Variants in REG4 observed in about 807,000 individuals in gnomAD.
The protein encoded by REG4 is regenerating family member 4.
A neutral mutation model predicts 22.3 loss-of-function variants in REG4; 16 were observed. That is an observed-to-expected ratio of 0.72 (90% CI 0.49 to 1.09). The LOEUF (loss-of-function observed/expected upper bound fraction) is 1.09. Ranked by LOEUF, REG4 falls within the 50% of genes least tolerant of loss-of-function variation. REG4 has a pLI of 0.00. For missense variants in REG4, 214 were observed against 193.9 expected (o/e 1.10, Z -0.61); for synonymous variants, 71 against 69.2 (o/e 1.03, Z -0.13).
chr1:119,796,598 C>T (rs1156360769), intron 5 of REG4, among the ~76,000 whole-genome samples: 1 of 152,124 alleles, frequency 6.6e-6, no homozygotes, highest in Non-Finnish European at 1.5e-5. Flanking sequence ...GAGCAAAATC[C>T]ATTGTACTGA....
At chr1:119,802,332 C>G in intron 3 of REG4, 1 of 985,750 alleles carries the variant, frequency 1.0e-6, no homozygotes, top group Admixed American at 6.1e-5. Flanking sequence ...CCTTCATAGC[C>G]TCAGTAGCTG....
Position 119,808,810 on chromosome 1 carries a change from A to C in REG4, c.-41T>G. The C allele has an allele frequency of 2.4e-5, 35 of 1,469,654 alleles. No homozygotes were observed. The highest frequency in any genetic ancestry group is 1.7e-4 in the Middle Eastern group (1 of 5,772). The allele number at this position is 1,469,654 out of a possible 1,614,324, so 91.0% of individuals were successfully genotyped here. A position where few individuals can be genotyped will look rare whatever the true frequency, so the allele number is the denominator to read the frequency against. On this transcript the variant is annotated 5_prime_UTR_variant, in exon 2 of 6. Transcript: ENST00000256585. ...AGGATGTAGCTAGTGCAAGGATCTC[A>C]GAGACCTTACTAGCGCTTCTTTGAA...
chr1:119,808,060 C>T (rs2101076073), intron 2 of REG4, among the ~76,000 whole-genome samples: 1 of 152,342 alleles, frequency 6.6e-6, no homozygotes, highest in Non-Finnish European at 1.5e-5. Flanking sequence ...AATCTCTACC[C>T]TTTTCTGGAA....
chr1:119,807,973 C>T (rs889844856), intron 2 of REG4, among the ~76,000 whole-genome samples: 3 of 152,218 alleles, frequency 2.0e-5, no homozygotes, highest in Non-Finnish European at 4.4e-5. Flanking sequence ...ATGTCCAACA[C>T]CCAGCAAAGC....
At chr1:119,802,596 A>C (rs1654144093) in intron 3 of REG4, 1 of 1,245,196 alleles carries the variant, frequency 8.0e-7, no homozygotes, top group Non-Finnish European at 1.0e-6. Flanking sequence ...AGGTTTGTGG[A>C]CTGTGTAGAG....
chr1:119,799,928 C>A (rs998447786), intron 3 of REG4, 66 bp from the exon 4 acceptor site: 2 of 1,578,228 alleles, frequency 1.3e-6, no homozygotes, highest in East Asian at 2.3e-5. Context: ...CCCCTCAGAA[C>A]GCTAGCGTGC....
At chr1:119,802,564 G>C in intron 3 of REG4, 1 of 1,161,260 alleles carries the variant, frequency 8.6e-7, no homozygotes. Context: ...CTCAGACAAA[G>C]CTTCAACGAA....
At chr1:119,804,262 C>A (rs1462400370) in intron 2 of REG4, among the ~76,000 whole-genome samples, 1 of 152,120 alleles carries the variant, frequency 6.6e-6, no homozygotes, top group Non-Finnish European at 1.5e-5. Flanking sequence ...CGCTTGTTTG[C>A]CCCACTCTTC....
chr1:119,799,568 G>A (rs12094770), intron 4 of REG4, among the ~76,000 whole-genome samples, 157 bp downstream of exon 4: 4,697 of 152,316 alleles, frequency 0.031, 181 homozygotes, highest in East Asian at 0.096. Context: ...CCAGAACTGG[G>A]CCCCTGACCT....
Position 119,808,726 on chromosome 1 carries a change from A to C in REG4, c.44T>G (p.Leu15Arg), listed in dbSNP as rs768175778. ...SMRLLLLLSC[L>R]AKTGVLGDII... ...ACCACCCAGGACTCCTGTTTTGGCCAGGCAGCTCAGCAATAGGAGCAGCCG... is the reference window on the plus strand; with the variant it reads ...ACCACCCAGGACTCCTGTTTTGGCCCGGCAGCTCAGCAATAGGAGCAGCCG... The change falls in exon 2 of 6, where the codon CTG becomes CGG. Residue 15 changes from leucine (L) to arginine (R), a missense_variant. Physicochemically the swap from Leu to Arg is moderately radical, Grantham distance 102. Coordinates refer to ENST00000256585, the MANE Select transcript of REG4 (RefSeq NM_032044.4). The C allele has an allele frequency of 6.8e-6, 11 of 1,613,908 alleles. No homozygotes were observed. The highest frequency in any genetic ancestry group is 2.5e-6 in the Non-Finnish European group (3 of 1,179,908).
rs750397930 is a variant in REG4, at chr1:119,803,132, C to G, written c.101G>C (p.Trp34Ser). 3 of 1,530,742 alleles carry G rather than the reference C, an allele frequency of 2.0e-6. No homozygotes were observed. Among genetic ancestry groups the G allele is most frequent in the South Asian group, 2.6e-5 (2 of 75,982 alleles). 94.8% of individuals were successfully genotyped at this position (1,530,742 alleles called of 1,614,324 possible). ...ATAGCAATTGGACTTGTGGTAAAAC[C>G]ATCCAGGAGCACAGCTGGGTCTCAT... ...IIMRPSCAPG[W>S]FYHKSNCYGY... The change falls in exon 3 of 6, where the codon TGG becomes TCG. Residue 34 changes from tryptophan (W) to serine (S), a missense_variant. By Grantham distance (177) the Trp-to-Ser change is radical. Coordinates refer to ENST00000256585, the MANE Select transcript of REG4 (RefSeq NM_032044.4).
intron 2 of REG4, among the ~76,000 whole-genome samples, chr1:119,808,173 G>A (rs189509540): frequency 2.6e-5 from 4 of 152,186 alleles, no homozygotes; most frequent in Non-Finnish European, 5.9e-5. Flanking sequence ...TAGCTCACTC[G>A]TACACTGTTC....
At chr1:119,809,553 T>C (rs879337712) in intron 1 of REG4, among the ~76,000 whole-genome samples, 1 of 152,236 alleles carries the variant, frequency 6.6e-6, no homozygotes, top group Non-Finnish European at 1.5e-5. Context: ...TATCTTTCTA[T>C]GCACCTCTCT....
chr1:119,799,958 C>G (rs587669560), intron 3 of REG4, 96 bp from the exon 4 acceptor site: 2 of 1,471,170 alleles, frequency 1.4e-6, no homozygotes, highest in African/African-American at 2.8e-5. Context: ...GGGACTCACG[C>G]AGCCCCCACT....
rs140936954 is a variant in REG4 at position 119,794,604 on chromosome 1, T to C, written c.*14A>G. The C allele has an allele frequency of 1.0e-4, 168 of 1,611,588 alleles. No individual in the cohort carries two copies. The highest frequency in any genetic ancestry group is 2.7e-5 in the African/African-American group (2 of 74,904). ...CGGGGCTGTGCAGGAGTTAGCAGAA[T>C]CTTGATTCTTGCTCTATGGTCGGTA... On this transcript the variant is annotated 3_prime_UTR_variant, in exon 6 of 6. Transcript: ENST00000256585.
chr1:119,794,468 TC>T lies in REG4; in HGVS notation c.*149del. On this transcript the variant is annotated 3_prime_UTR_variant, in exon 6 of 6. Coordinates refer to ENST00000256585, the MANE Select transcript of REG4 (RefSeq NM_032044.4). ...TACTGGGCCAATGCTAAAGTTTCTG[TC>T]TCTAAGCCTAAAAAAGCCAGTGTAG... The T allele has an allele frequency of 1.4e-6, 1 of 731,056 alleles. No homozygotes were observed. The highest frequency in any genetic ancestry group is 2.5e-4 in the Middle Eastern group (1 of 3,972). 45.3% of individuals were successfully genotyped at this position (731,056 alleles called of 1,614,324 possible).
In REG4 at chr1:119,794,260, G is replaced by A. The variant is rs1571059874; in HGVS notation, c.*358C>T. ...GTGTAGAAGCTGAAGGGGTCTAGAA[G>A]CTTACTCCTGAGTTTCTTCCTTCTG... On this transcript the variant is annotated 3_prime_UTR_variant, in exon 6 of 6. Coordinates refer to ENST00000256585, the MANE Select transcript of REG4 (RefSeq NM_032044.4). 1.8e-6 allele frequency: 1 copy of A among 550,316 alleles called. No individual in the cohort carries two copies. The highest frequency in any genetic ancestry group is 3.7e-6 in the Non-Finnish European group (1 of 272,238). The allele number at this position is 550,316 out of a possible 1,614,324, so 34.1% of individuals were successfully genotyped here. A position where few individuals can be genotyped will look rare whatever the true frequency, so the allele number is the denominator to read the frequency against.
intron 2 of REG4, among the ~76,000 whole-genome samples, 161 bp downstream of exon 2, chr1:119,808,542 C>A (rs78148264): frequency 0.025 from 3,837 of 152,188 alleles, 145 homozygotes; most frequent in African/African-American, 0.088. Context: ...GATTCTAGAG[C>A]CCTTGAATTT....
chr1:119,798,669 C>T, intron 4 of REG4, 67 bp from the exon 5 acceptor site: 1 of 1,136,314 alleles, frequency 8.8e-7, no homozygotes, highest in South Asian at 1.3e-5. Context: ...AGGAAGTCCC[C>T]TCAGTCCCCT....
Sources: gnomAD v4.1 joint callset for allele counts (sites outside exome capture counted in the v4.1 genomes callset) on GRCh38, gnomAD v4.1.1 for gene constraint, MANE v1.5 for transcripts, NCBI Gene and HGNC (gene_info 2026-07-23, HGNC 2026-07-21) for gene names.